ZNF705B: variants seen among roughly 807,000 people sequenced by gnomAD.
The protein encoded by ZNF705B is zinc finger protein 705B, also known as Putative zinc finger protein 705D-like protein LOC100132396.
In ZNF705B, 1 loss-of-function variant was observed where a neutral mutation model predicts 10.5. The observed-to-expected ratio is 0.10, with a 90% confidence interval of 0.03 to 0.45. The LOEUF is 0.45. Among genes scored for constraint, ZNF705B ranks in the 20% least tolerant of loss-of-function variants. ZNF705B has a pLI of 0.97. For synonymous variants in ZNF705B, 4 were observed against 25.4 expected (o/e 0.16, Z 2.53); for missense variants, 14 against 84.0 (o/e 0.17, Z 3.26).
At chr8:7,936,538 T>A (rs1820019454) in intron 2 of ZNF705B, among the ~76,000 whole-genome samples, 1 of 119,724 alleles carries the variant, frequency 8.4e-6, no homozygotes, top group African/African-American at 2.6e-5. Flanking sequence ...ATACTATGCA[T>A]CCATAAAAAG....
chr8:7,942,218 AT>A (rs1343021267), intron 2 of ZNF705B, among the ~76,000 whole-genome samples: 1 of 37,824 alleles, frequency 2.6e-5, no homozygotes, highest in Non-Finnish European at 6.8e-5. Flanking sequence ...AAAGGACATA[AT>A]TTTTTTATGG....
In ZNF705B at chr8:7,932,498, T is replaced by C. The variant is rs533461169; in HGVS notation, c.-72+2062T>C. ...TATTCTATGTGATGGCTTTAATATA[T>C]GTGTCCAAACTGCTTCTTTTCTAGG... On this transcript the variant is annotated intron_variant, in intron 2 of 6. Coordinates refer to ENST00000400120, the MANE Select transcript of ZNF705B (RefSeq NM_001193630.1). Among the ~76,000 whole-genome samples the C allele has an allele frequency of 1.1e-3, 138 of 121,514 alleles. 11 individuals are homozygous for C. Among genetic ancestry groups the C allele is most frequent in the African/African-American group, 3.3e-3 (132 of 39,926 alleles). The allele number at this position is 121,514 out of a possible 152,430, so 79.7% of individuals were successfully genotyped here.
Position 7,928,826 on chromosome 8 carries a change from T to G in ZNF705B, c.-221-1461T>G, listed in dbSNP as rs530842893. ...TTTCCATTTACAGAATTTCTTCTCC[T>G]TTTTTAGCTTCTAAAATGGGTGGTT... is the stretch of plus-strand genomic sequence containing the variant. On this transcript the variant is annotated intron_variant, in intron 1 of 6. Coordinates refer to ENST00000400120, the MANE Select transcript of ZNF705B (RefSeq NM_001193630.1). Among the ~76,000 whole-genome samples the G allele has an allele frequency of 2.2e-3, 226 of 104,358 alleles. 6 individuals are homozygous for G. The highest frequency in any genetic ancestry group is 5.4e-3 in the African/African-American group (200 of 37,210). The allele number at this position is 104,358 out of a possible 152,430, so 68.5% of individuals were successfully genotyped here.
chr8:7,929,172 C>T (rs867869590), intron 1 of ZNF705B, among the ~76,000 whole-genome samples: 4,316 of 119,274 alleles, frequency 0.036, 264 homozygotes, highest in African/African-American at 0.1. Context: ...TAATGTCAGT[C>T]GTATTAAATA....
rs1819845726 is a variant in ZNF705B, at chr8:7,931,462, A to T, written c.-72+1026A>T. Among the ~76,000 whole-genome samples the T allele has an allele frequency of 1.6e-5, 2 of 122,092 alleles. 1 individual carries two copies. Among genetic ancestry groups the T allele is most frequent in the Admixed American group, 1.8e-4 (2 of 10,918 alleles). The allele number at this position is 122,092 out of a possible 152,430, so 80.1% of individuals were successfully genotyped here. A position where few individuals can be genotyped will look rare whatever the true frequency, so the allele number is the denominator to read the frequency against. On this transcript the variant is annotated intron_variant, in intron 2 of 6. Transcript: ENST00000400120. ...GGTGGATTAATCCCCCAGCTCCCAG[A>T]CAATGTGCACAGGCACCACCAGGCT...
chr8:7,932,452 C>T (rs1584997504), intron 2 of ZNF705B, among the ~76,000 whole-genome samples: 1 of 121,422 alleles, frequency 8.2e-6, no homozygotes, highest in South Asian at 2.8e-4. Context: ...TGAAGGCCAC[C>T]TCCTAGCAAT....
At position 7,940,682 on chromosome 8, in the gene ZNF705B, A is replaced by C. The variant is rs9774079; in HGVS notation, c.-71-6669A>C. 7.8e-4 allele frequency among the ~76,000 whole-genome samples: 116 copies of C among 148,308 alleles called. 3 individuals carry two copies. Among genetic ancestry groups the C allele is most frequent in the African/African-American group, 2.6e-3 (104 of 40,362 alleles). ...TTTAGATTTCAAACACAAGTGAAATAATATAGTAATTGTCATTCTGTGGTT... is the reference window on the plus strand; with the variant it reads ...TTTAGATTTCAAACACAAGTGAAATCATATAGTAATTGTCATTCTGTGGTT... On this transcript the variant is annotated intron_variant, in intron 2 of 6. Transcript: ENST00000400120.
intron 2 of ZNF705B, among the ~76,000 whole-genome samples, chr8:7,931,676 G>T (rs1819854084): frequency 7.9e-6 from 1 of 127,276 alleles, no homozygotes. Flanking sequence ...CCCTGAGGAT[G>T]CCTGCAGGTG....
intron 2 of ZNF705B, among the ~76,000 whole-genome samples, chr8:7,931,644 C>T (rs542269410): frequency 1.6e-5 from 2 of 122,864 alleles, no homozygotes; most frequent in South Asian, 2.7e-4. Flanking sequence ...GAATAGTGCC[C>T]AGGCAGGTGA....
chr8:7,929,406 G>T (rs1477258887), intron 1 of ZNF705B, among the ~76,000 whole-genome samples: 1 of 121,380 alleles, frequency 8.2e-6, no homozygotes, highest in Admixed American at 9.3e-5. Context: ...GCAGAGACAT[G>T]AAATGAATGA....
chr8:7,927,122 C>G (rs1387903882), intron 1 of ZNF705B, among the ~76,000 whole-genome samples: 2 of 118,074 alleles, frequency 1.7e-5, no homozygotes, highest in African/African-American at 5.1e-5. Context: ...ATTATGTAAA[C>G]TTAAGTTATG....
intron 2 of ZNF705B, among the ~76,000 whole-genome samples, chr8:7,933,078 C>G (rs1468146368): frequency 1.7e-5 from 2 of 119,404 alleles, no homozygotes; most frequent in East Asian, 4.8e-4. Context: ...GGCTGTTAAT[C>G]AGCTGACCTT....
chr8:7,937,281 A>C lies in ZNF705B; in HGVS notation c.-72+6845A>C, dbSNP rs566758447. ...CTCCTCTCCTCTCTAGCCTTCTACAAAAAGTTGGCAGTTCTGCTTCAATGT... is the reference window on the plus strand; with the variant it reads ...CTCCTCTCCTCTCTAGCCTTCTACACAAAGTTGGCAGTTCTGCTTCAATGT... On this transcript the variant is annotated intron_variant, in intron 2 of 6. Transcript: ENST00000400120. 1.2e-4 allele frequency among the ~76,000 whole-genome samples: 14 copies of C among 115,860 alleles called. No individual in the cohort carries two copies. In the East Asian group the frequency reaches 3.5e-3, roughly 29 times the overall value. The allele number at this position is 115,860 out of a possible 152,430, so 76.0% of individuals were successfully genotyped here. A position where few individuals can be genotyped will look rare whatever the true frequency, so the allele number is the denominator to read the frequency against.
In ZNF705B at chr8:7,928,552, TG is replaced by T; in HGVS notation, c.-221-1733del. ...GAAACAATATAAAGCAACACAGATG[TG>T]GAGGGGAAAGAGAGAAGGAGGAATT... On this transcript the variant is annotated intron_variant, in intron 1 of 6. Transcript: ENST00000400120. 1.7e-5 allele frequency among the ~76,000 whole-genome samples: 2 copies of T among 117,238 alleles called. 1 individual carries two copies. The highest frequency in any genetic ancestry group is 4.1e-5 in the Non-Finnish European group (2 of 49,018). The allele number at this position is 117,238 out of a possible 152,430, so 76.9% of individuals were successfully genotyped here.
intron 2 of ZNF705B, among the ~76,000 whole-genome samples, chr8:7,941,320 T>G (rs1274814130): frequency 7.0e-6 from 1 of 142,000 alleles, no homozygotes; most frequent in Non-Finnish European, 1.6e-5. Context: ...TGTAAAAGTG[T>G]TCTTATATCT....
chr8:7,928,722 C>T (rs1819764356), intron 1 of ZNF705B, among the ~76,000 whole-genome samples: 1 of 71,822 alleles, frequency 1.4e-5, no homozygotes, highest in Non-Finnish European at 3.4e-5. Context: ...AAGAGCCTGC[C>T]TAGAATTATC....
chr8:7,941,205 A>G (rs1277811720), intron 2 of ZNF705B, among the ~76,000 whole-genome samples: 2 of 145,568 alleles, frequency 1.4e-5, no homozygotes, highest in Admixed American at 7.0e-5. Context: ...GTATATACCC[A>G]GTAATGGGAT....
In ZNF705B at chr8:7,936,242, C is replaced by G. The variant is rs181581161; in HGVS notation, c.-72+5806C>G. On this transcript the variant is annotated intron_variant, in intron 2 of 6. Coordinates refer to ENST00000400120, the MANE Select transcript of ZNF705B (RefSeq NM_001193630.1). ...GTTTGTGCGGAAATTTGTTGTTACTCTCGGTTCAGAGGTCTTTGAATCATG... is the reference window on the plus strand; with the variant it reads ...GTTTGTGCGGAAATTTGTTGTTACTGTCGGTTCAGAGGTCTTTGAATCATG... Among the ~76,000 whole-genome samples, 71 of 120,084 alleles carry G rather than the reference C, an allele frequency of 5.9e-4. 11 individuals carry two copies. The highest frequency in any genetic ancestry group is 4.5e-3 in the East Asian group (19 of 4,232). 78.8% of individuals were successfully genotyped at this position (120,084 alleles called of 152,430 possible). A position where few individuals can be genotyped will look rare whatever the true frequency, so the allele number is the denominator to read the frequency against.
At chr8:7,930,739 G>A (rs1819819387) in intron 2 of ZNF705B, among the ~76,000 whole-genome samples, 1 of 113,390 alleles carries the variant, frequency 8.8e-6, no homozygotes, top group Non-Finnish European at 2.1e-5. Flanking sequence ...CCATTTCCAT[G>A]TGAATCAAAG....
Sources: allele counts gnomAD v4.1 joint callset (sites outside exome capture counted in the v4.1 genomes callset), GRCh38; gene constraint gnomAD v4.1.1; transcripts MANE v1.5; gene names NCBI Gene and HGNC (gene_info 2026-07-23, HGNC 2026-07-21).